The following NXPH1 variants were observed in gnomAD, a reference collection of about 807,000 sequenced individuals.
The protein encoded by NXPH1 is neurexophilin 1.
Under a neutral mutation model 23.7 loss-of-function variants are expected in NXPH1, and 5 were observed. The ratio of observed to expected loss-of-function variants is 0.21; its 90% confidence interval spans 0.11 to 0.44. The LOEUF (loss-of-function observed/expected upper bound fraction) is 0.44, where lower values mean the gene tolerates loss of function less well. NXPH1 is among the 20% of genes least tolerant of loss of function. The probability of loss-of-function intolerance (pLI) is 0.99; values close to 1 mark genes in which losing one functional copy is unlikely to be tolerated. For synonymous variants in NXPH1, 144 were observed against 122.2 expected (o/e 1.18, Z -1.18); for missense variants, 324 against 321.6 (o/e 1.01, Z -0.06).
intron 2 of NXPH1, among the ~76,000 whole-genome samples, chr7:8,709,224 T>C (rs555153452): frequency 3.3e-5 from 5 of 152,336 alleles, no homozygotes; most frequent in Admixed American, 6.5e-5. Flanking sequence ...GCTACCACTT[T>C]TGAGTACTGT....
chr7:8,594,807 T>C (rs952671339), intron 2 of NXPH1, among the ~76,000 whole-genome samples: 5 of 152,046 alleles, frequency 3.3e-5, no homozygotes, highest in Admixed American at 6.6e-5. Context: ...CCGCTTCCAA[T>C]TGGCATTTTC....
chr7:8,475,867 G>T lies in NXPH1; in HGVS notation c.54+40100G>T, dbSNP rs565494407. Among the ~76,000 whole-genome samples the T allele has an allele frequency of 2.0e-5, 3 of 152,210 alleles. No individual in the cohort carries two copies. The South Asian group carries it at 6.2e-4, about 32-fold the overall frequency. ...CATATTAAAAATGTTATCTTGAACT[G>T]GCATTTGAATTCTGTAATCTTTATC... On this transcript the variant is annotated intron_variant, in intron 2 of 2. Coordinates refer to ENST00000405863, the MANE Select transcript of NXPH1 (RefSeq NM_152745.3).
chr7:8,483,102 T>G (rs1817102033), intron 2 of NXPH1, among the ~76,000 whole-genome samples: 1 of 152,184 alleles, frequency 6.6e-6, no homozygotes, highest in Non-Finnish European at 1.5e-5. Flanking sequence ...CTCTATTTCC[T>G]AGACTTACAG....
At chr7:8,517,583 G>A (rs961068032) in intron 2 of NXPH1, among the ~76,000 whole-genome samples, 9 of 152,142 alleles carry the variant, frequency 5.9e-5, no homozygotes, top group African/African-American at 2.2e-4. Context: ...GAAGCAGACA[G>A]ATACACAAGG....
chr7:8,740,769 G>C (rs1780347500), intron 2 of NXPH1, among the ~76,000 whole-genome samples: 1 of 150,168 alleles, frequency 6.7e-6, no homozygotes, highest in Non-Finnish European at 1.5e-5. Flanking sequence ...ATATGTAATT[G>C]ACCAATAAAA....
chr7:8,584,091 CAATT>C (rs1818933080), intron 2 of NXPH1, among the ~76,000 whole-genome samples: 1 of 152,140 alleles, frequency 6.6e-6, no homozygotes, highest in Admixed American at 6.5e-5. Context: ...GATATTAACT[CAATT>C]AATATTCACA....
At chr7:8,655,394 TTGTCTTTCTCTCTC>T (rs1820558181) in intron 2 of NXPH1, among the ~76,000 whole-genome samples, 1 of 40,192 alleles carries the variant, frequency 2.5e-5, no homozygotes, top group African/African-American at 8.1e-5. Flanking sequence ...GTCTTTGTCT[TTGTCTTTCTCTCTC>T]TCTCTCTCTC....
intron 2 of NXPH1, among the ~76,000 whole-genome samples, chr7:8,518,498 C>A (rs796082066): frequency 3.3e-5 from 5 of 152,204 alleles, no homozygotes; most frequent in African/African-American, 1.2e-4. Context: ...AGCTTTCCGT[C>A]CCCTTGTTTA....
chr7:8,586,961 A>G (rs950452737), intron 2 of NXPH1, among the ~76,000 whole-genome samples: 1 of 152,260 alleles, frequency 6.6e-6, no homozygotes, highest in South Asian at 2.1e-4. Context: ...TTCTCTTTGA[A>G]TGCATAAAGA....
At chr7:8,687,514 A>G (rs1206519424) in intron 2 of NXPH1, among the ~76,000 whole-genome samples, 1 of 152,180 alleles carries the variant, frequency 6.6e-6, no homozygotes, top group Non-Finnish European at 1.5e-5. Flanking sequence ...TCATAGAAAC[A>G]TGGTTCTTTT....
At position 8,717,894 on chromosome 7, in the gene NXPH1, G is replaced by GTATATATATATA. The variant is rs3059127; in HGVS notation, c.55-33107_55-33096dup. On this transcript the variant is annotated intron_variant, in intron 2 of 2. Coordinates refer to ENST00000405863, the MANE Select transcript of NXPH1 (RefSeq NM_152745.3). ...TGTGGGTGTATTCTTCTCTCTGTGTGTATATATATATATATATACACAACA... is the reference window on the plus strand; with the variant it reads ...TGTGGGTGTATTCTTCTCTCTGTGTGTATATATATATATATATATATATATATATACACAACA... Among the ~76,000 whole-genome samples the GTATATATATATA allele has an allele frequency of 6.5e-3, 962 of 147,142 alleles. 5 individuals carry two copies. Among genetic ancestry groups the GTATATATATATA allele is most frequent in the African/African-American group, 0.019 (772 of 39,968 alleles).
chr7:8,478,175 C>T (rs1584182470), intron 2 of NXPH1, among the ~76,000 whole-genome samples: 1 of 152,144 alleles, frequency 6.6e-6, no homozygotes, highest in East Asian at 1.9e-4. Context: ...GTCTCCTTTC[C>T]TCCAAAAGCC....
At chr7:8,667,784 C>T (rs1820796776) in intron 2 of NXPH1, among the ~76,000 whole-genome samples, 1 of 151,910 alleles carries the variant, frequency 6.6e-6, no homozygotes, top group Non-Finnish European at 1.5e-5. Flanking sequence ...ACCTCTTTGT[C>T]TCTCTCTTCT....
chr7:8,490,251 A>T (rs1039476823), intron 2 of NXPH1, among the ~76,000 whole-genome samples: 1 of 152,116 alleles, frequency 6.6e-6, no homozygotes, highest in Non-Finnish European at 1.5e-5. Context: ...ATTCAGATTA[A>T]TTTTAAAAAA....
In NXPH1 at chr7:8,665,434, A is replaced by G. The variant is rs538159260; in HGVS notation, c.55-85574A>G. Among the ~76,000 whole-genome samples, 3 of 152,084 alleles carry G rather than the reference A, an allele frequency of 2.0e-5. No individual in the cohort carries two copies. The South Asian group carries it at 6.2e-4, about 32-fold the overall frequency. On this transcript the variant is annotated intron_variant, in intron 2 of 2. Transcript: ENST00000405863. Reference sequence around the variant, plus strand: ...TTAATATAATTTTGTAGCATATTTTAAAGACAGATAGTGTGATGCCTTTAG... The same window carrying G: ...TTAATATAATTTTGTAGCATATTTTGAAGACAGATAGTGTGATGCCTTTAG...
At chr7:8,447,776 A>G (rs1440890525) in intron 2 of NXPH1, among the ~76,000 whole-genome samples, 1 of 152,194 alleles carries the variant, frequency 6.6e-6, no homozygotes, top group African/African-American at 2.4e-5. Flanking sequence ...GGCCAGATGC[A>G]TTTGCACAGA....
At chr7:8,647,224 A>T (rs1820411299) in intron 2 of NXPH1, among the ~76,000 whole-genome samples, 1 of 152,202 alleles carries the variant, frequency 6.6e-6, no homozygotes, top group Non-Finnish European at 1.5e-5. Flanking sequence ...CCTGACCCTC[A>T]GGCCCACAGT....
intron 2 of NXPH1, among the ~76,000 whole-genome samples, chr7:8,552,098 T>C: frequency 7.7e-6 from 1 of 130,044 alleles, no homozygotes; most frequent in Admixed American, 8.3e-5. Context: ...ACTCCAATTG[T>C]CTGCAGAAAA....
chr7:8,694,712 C>G (rs183610523), intron 2 of NXPH1, among the ~76,000 whole-genome samples: 2 of 152,224 alleles, frequency 1.3e-5, no homozygotes, highest in Admixed American at 1.3e-4. Context: ...TTATCTCATT[C>G]TACTTTCTAT....
Sources: allele counts gnomAD v4.1 joint callset (sites outside exome capture counted in the v4.1 genomes callset), GRCh38; gene constraint gnomAD v4.1.1; transcripts MANE v1.5; gene names NCBI Gene and HGNC (gene_info 2026-07-23, HGNC 2026-07-21).